Variants in THEM4 observed in about 807,000 individuals in gnomAD.
The protein encoded by THEM4 is acyl-coenzyme A thioesterase THEM4.
A neutral mutation model predicts 25.0 loss-of-function variants in THEM4; 22 were observed. The observed-to-expected ratio is 0.88, with a 90% CI of 0.63 to 1.26. The LOEUF (loss-of-function observed/expected upper bound fraction) is 1.26. THEM4 is among the 50% of genes most tolerant of loss of function. The pLI, the probability that THEM4 is intolerant of heterozygous loss-of-function variation, is 0.00. For missense variants in THEM4, 286 were observed against 300.3 expected (o/e 0.95, Z 0.35); for synonymous variants, 113 against 105.6 (o/e 1.07, Z -0.43).
At chr1:151,907,508 AC>A (rs1185886577) in intron 1 of THEM4, among the ~76,000 whole-genome samples, 4 of 151,932 alleles carry the variant, frequency 2.6e-5, no homozygotes, top group African/African-American at 9.7e-5. Context: ...AAGCTAGCCC[AC>A]CCCCTTTTAA....
chr1:151,898,138 G>A (rs770713209), intron 1 of THEM4, among the ~76,000 whole-genome samples: 5 of 152,174 alleles, frequency 3.3e-5, no homozygotes, highest in Non-Finnish European at 5.9e-5. Flanking sequence ...TTCACAGGTC[G>A]GGGAAGAACT....
intron 1 of THEM4, among the ~76,000 whole-genome samples, chr1:151,900,374 A>G (rs1298668197): frequency 6.6e-6 from 1 of 152,240 alleles, no homozygotes; most frequent in Non-Finnish European, 1.5e-5. Context: ...TGCTCCACTT[A>G]AAAGACACAG....
intron 3 of THEM4, 77 bp downstream of exon 3, chr1:151,889,137 A>T: frequency 8.7e-7 from 1 of 1,143,418 alleles, no homozygotes; most frequent in Non-Finnish European, 1.3e-6. Context: ...TCTTTATTGT[A>T]GTCCATGTAC....
At chr1:151,895,988 CTTTTT>C (rs1176553580) in intron 1 of THEM4, among the ~76,000 whole-genome samples, 7 of 119,212 alleles carry the variant, frequency 5.9e-5, no homozygotes, top group African/African-American at 1.8e-4. Context: ...TTCTTGCTTC[CTTTTT>C]TTTTTTTTTT....
At chr1:151,893,635 G>T (rs1054650772) in intron 2 of THEM4, among the ~76,000 whole-genome samples, 1 of 152,098 alleles carries the variant, frequency 6.6e-6, no homozygotes, top group Non-Finnish European at 1.5e-5. Flanking sequence ...ATGCAGGGGG[G>T]AGGATATGTG....
At position 151,892,386 on chromosome 1, in the gene THEM4, G is replaced by A. The variant is rs564138921; in HGVS notation, c.286+2622C>T. Among the ~76,000 whole-genome samples the A allele has an allele frequency of 3.4e-4, 52 of 152,278 alleles. No homozygotes were observed. The South Asian group carries it at 7.5e-3, about 22-fold the overall frequency. On this transcript the variant is annotated intron_variant, in intron 2 of 5. Transcript: ENST00000368814. ...AATGCACACTGAATTTGGCACTTCC[G>A]TCACTAGTGGCTTCAATGAAGACAT...
At position 151,879,405 on chromosome 1, in the gene THEM4, A is replaced by T. The variant is rs560897964; in HGVS notation, c.558-2280T>A. Among the ~76,000 whole-genome samples, 947 of 152,074 alleles carry T rather than the reference A, an allele frequency of 6.2e-3. 6 individuals are homozygous for T. Among genetic ancestry groups the T allele is most frequent in the Non-Finnish European group, 9.4e-3 (642 of 67,970 alleles). The stretch of plus-strand genomic sequence containing the variant: ...CTCTAATTTACTATAGATTTTTTTT[A>T]AAAAGTTCTTTTTTTTTTTTTAACC... On this transcript the variant is annotated intron_variant, in intron 4 of 5. Coordinates refer to ENST00000368814, the MANE Select transcript of THEM4 (RefSeq NM_053055.5).
chr1:151,892,196 G>A lies in THEM4; in HGVS notation c.286+2812C>T, dbSNP rs1212591694. Among the ~76,000 whole-genome samples the A allele has an allele frequency of 2.0e-5, 3 of 152,186 alleles. No homozygotes were observed. In the East Asian group the frequency reaches 5.8e-4, roughly 29 times the overall value. Reference sequence around the variant, plus strand: ...TTTTAGTCAAGAGCGAATGAGGGTTGGATGAAGAAATGAGCAAAATGTAGG... The same window carrying A: ...TTTTAGTCAAGAGCGAATGAGGGTTAGATGAAGAAATGAGCAAAATGTAGG... On this transcript the variant is annotated intron_variant, in intron 2 of 5. Coordinates refer to ENST00000368814, the MANE Select transcript of THEM4 (RefSeq NM_053055.5).
rs1558186522 is a variant in THEM4, at chr1:151,872,798, G to A, written c.*2090C>T. On this transcript the variant is annotated 3_prime_UTR_variant, in exon 6 of 6. Coordinates refer to ENST00000368814, the MANE Select transcript of THEM4 (RefSeq NM_053055.5). Reference sequence around the variant, plus strand: ...TTAACCAGGGGCAAAATGCACTGTGGAAAGCCGCAGGGACCTCTGCCCAAG... The same window carrying A: ...TTAACCAGGGGCAAAATGCACTGTGAAAAGCCGCAGGGACCTCTGCCCAAG... 6.6e-6 allele frequency among the ~76,000 whole-genome samples: 1 copy of A among 152,122 alleles called. No individual in the cohort carries two copies. Among genetic ancestry groups the A allele is most frequent in the Non-Finnish European group, 1.5e-5 (1 of 68,028 alleles).
intron 4 of THEM4, among the ~76,000 whole-genome samples, chr1:151,885,273 C>T (rs1297433845): frequency 2.0e-5 from 3 of 152,068 alleles, no homozygotes; most frequent in Non-Finnish European, 2.9e-5. Flanking sequence ...CACGTGCCAC[C>T]ACACCTGGGT....
chr1:151,903,597 T>C (rs57674198), intron 1 of THEM4, among the ~76,000 whole-genome samples: 34,473 of 152,230 alleles, frequency 0.23, 5,126 homozygotes, highest in South Asian at 0.54. Flanking sequence ...GTCCTGATTA[T>C]GTAACTTTTA....
intron 5 of THEM4, among the ~76,000 whole-genome samples, chr1:151,876,399 C>T (rs1298718240): frequency 6.6e-6 from 1 of 151,970 alleles, no homozygotes; most frequent in Non-Finnish European, 1.5e-5. Context: ...AGTTATTATA[C>T]CTGTGAGATA....
chr1:151,884,784 G>T (rs1300355394), intron 4 of THEM4, among the ~76,000 whole-genome samples: 1 of 151,556 alleles, frequency 6.6e-6, no homozygotes, highest in Non-Finnish European at 1.5e-5. Flanking sequence ...TGCCTCCTGG[G>T]TTCAAGTGAT....
At chr1:151,889,720 G>A (rs758864639) in intron 2 of THEM4, 2 of 179,646 alleles carry the variant, frequency 1.1e-5, no homozygotes, top group Non-Finnish European at 2.3e-5. Flanking sequence ...TGGTTTAAAT[G>A]CAATTTACAG....
At chr1:151,881,243 C>T (rs552784428) in intron 4 of THEM4, among the ~76,000 whole-genome samples, 2 of 152,278 alleles carry the variant, frequency 1.3e-5, no homozygotes, top group South Asian at 2.1e-4. Flanking sequence ...TCATAGCTTA[C>T]TGCAACCTTG....
chr1:151,907,008 G>A (rs1251722744), intron 1 of THEM4, among the ~76,000 whole-genome samples: 1 of 152,080 alleles, frequency 6.6e-6, no homozygotes, highest in African/African-American at 2.4e-5. Context: ...TGGAAGCTTT[G>A]TTCTTTCGCT....
In THEM4 at chr1:151,909,385, G is replaced by C. The variant is rs1310265837; in HGVS notation, c.74C>G (p.Pro25Arg). The change falls in exon 1 of 6, where the codon CCG becomes CGG. Residue 25 changes from proline (P) to arginine (R), a missense_variant. Coordinates refer to ENST00000368814, the MANE Select transcript of THEM4 (RefSeq NM_053055.5). ...LCLPPVGRRL[P>R]GSEPRPELRS... ...CAGCTCGGGTCGCGGCTCGCTTCCC[G>C]GCAGGCGCCGGCCTACTGGCGGCAG... The C allele has an allele frequency of 2.0e-6, 3 of 1,505,750 alleles. No homozygotes were observed. In the African/African-American group the frequency reaches 4.3e-5, roughly 22 times the overall value. 93.3% of individuals were successfully genotyped at this position (1,505,750 alleles called of 1,614,324 possible).
At chr1:151,888,430 G>A (rs2101722459) in intron 3 of THEM4, 47 bp from the exon 4 acceptor site, 8 of 1,422,622 alleles carry the variant, frequency 5.6e-6, no homozygotes, top group Non-Finnish European at 7.8e-6. Context: ...AAGTTCTGAA[G>A]ATAGAGAGCC....
chr1:151,887,587 C>T (rs7532721), intron 4 of THEM4, among the ~76,000 whole-genome samples: 134,694 of 152,100 alleles, frequency 0.89, 59,801 homozygotes, highest in East Asian at 0.92. Context: ...GGAAAGACAT[C>T]TGTGCCTGTG....
Sources: allele counts gnomAD v4.1 joint callset (sites outside exome capture counted in the v4.1 genomes callset), GRCh38; gene constraint gnomAD v4.1.1; transcripts MANE v1.5; gene names NCBI Gene and HGNC (gene_info 2026-07-23, HGNC 2026-07-21).